The following ZBED6 variants were observed in gnomAD, a reference collection of about 807,000 sequenced individuals.
ZBED6 encodes the protein zinc finger BED domain-containing protein 6.
Under a neutral mutation model 58.4 loss-of-function variants are expected in ZBED6, and 40 were observed. That is an observed-to-expected ratio of 0.68 (90% confidence interval 0.53 to 0.89). The LOEUF (loss-of-function observed/expected upper bound fraction) is 0.89. Among genes scored for constraint, ZBED6 ranks in the 40% least tolerant of loss-of-function variants. The probability of loss-of-function intolerance (pLI) is 0.00; values close to 1 mark genes in which losing one functional copy is unlikely to be tolerated. For synonymous variants in ZBED6, 439 were observed against 350.6 expected, an observed-to-expected ratio of 1.25 and a Z score of -2.82; for missense variants, 1,057 against 1,003.9, an observed-to-expected ratio of 1.05 and a Z score of -0.71.
chr1:203,848,478 C>G lies in ZBED6; in HGVS notation c.*4322+71C>G, dbSNP rs865868933. ...CTAGATAATTGGTAGTTTTACCTTA[C>G]AATAAATTTCTAAGTACTTCATTCA... On this transcript the variant is annotated intron_variant, in intron 13 of 16. Transcript: ENST00000550078. 2.6e-6 allele frequency: 3 copies of G among 1,160,328 alleles called. No homozygotes were observed. In the African/African-American group the frequency reaches 4.7e-5, roughly 18 times the overall value. 71.9% of individuals were successfully genotyped at this position (1,160,328 alleles called of 1,614,324 possible). A position where few individuals can be genotyped will look rare whatever the true frequency, so the allele number is the denominator to read the frequency against.
At position 203,840,393 on chromosome 1, in the gene ZBED6, C is replaced by G. The variant is rs1487073844; in HGVS notation, c.*3741+19C>G. Reference sequence around the variant, plus strand: ...GCAACAGGTAAGTAAATCCTAAGACCAGATTCTGATTATTTTTTTCTTTGC... The same window carrying G: ...GCAACAGGTAAGTAAATCCTAAGACGAGATTCTGATTATTTTTTTCTTTGC... On this transcript the variant is annotated intron_variant, in intron 11 of 16. Coordinates refer to ENST00000550078, the Ensembl canonical transcript of ZBED6. 3 of 1,604,500 alleles carry G rather than the reference C, an allele frequency of 1.9e-6. No homozygotes were observed. Among genetic ancestry groups the G allele is most frequent in the African/African-American group, 2.7e-5 (2 of 74,320 alleles).
In ZBED6 at chr1:203,797,257, A is replaced by C. The variant is rs2102341384; in HGVS notation, c.-266A>C. On this transcript the variant is annotated 5_prime_UTR_variant, in exon 1 of 17. An upstream start codon of the reference 5' UTR is lost. Coordinates refer to ENST00000550078, the Ensembl canonical transcript of ZBED6. ...GGGACTCAGTTCTTACTTCTGTAAC[A>C]TGAGGACACTGGACTATTTGAATTC... The C allele has an allele frequency of 3.9e-6, 1 of 257,410 alleles. No individual in the cohort carries two copies. The highest frequency in any genetic ancestry group is 7.4e-6 in the Non-Finnish European group (1 of 135,832). 15.9% of individuals were successfully genotyped at this position (257,410 alleles called of 1,614,324 possible). A position where few individuals can be genotyped will look rare whatever the true frequency, so the allele number is the denominator to read the frequency against.
chr1:203,818,943 C>T (rs1475876056), intron 3 of ZBED6, among the ~76,000 whole-genome samples: 1 of 151,558 alleles, frequency 6.6e-6, no homozygotes, highest in Non-Finnish European at 1.5e-5. Flanking sequence ...GTGGCATGTG[C>T]CTGTAATTCC....
chr1:203,816,837 ACT>A (rs1393019604), intron 1 of ZBED6, 87 bp from the exon 2 acceptor site: 24 of 437,700 alleles, frequency 5.5e-5, no homozygotes, highest in African/African-American at 4.7e-4. Flanking sequence ...ATAAAATTTG[ACT>A]CTAGCAATAC....
chr1:203,829,507 T>C (rs200516895), exon 5 of ZBED6: 5 of 1,614,010 alleles, frequency 3.1e-6, no homozygotes, highest in Admixed American at 3.3e-5. Context: ...TAGCCAACTT[T>C]CAGTTCAGCA....
chr1:203,825,564 A>G (rs1240938008), intron 3 of ZBED6, among the ~76,000 whole-genome samples: 3 of 151,002 alleles, frequency 2.0e-5, no homozygotes, highest in African/African-American at 7.3e-5. Context: ...CCTCCCGCAT[A>G]GCTGGGACTA....
chr1:203,849,461 CATT>C, intron 13 of ZBED6, among the ~76,000 whole-genome samples: 1 of 152,208 alleles, frequency 6.6e-6, no homozygotes, highest in Non-Finnish European at 1.5e-5. Flanking sequence ...ATTTAGGAAT[CATT>C]AGTATTTGAC....
At chr1:203,820,135 T>C (rs1678022999) in intron 3 of ZBED6, among the ~76,000 whole-genome samples, 1 of 150,728 alleles carries the variant, frequency 6.6e-6, no homozygotes, top group African/African-American at 2.4e-5. Flanking sequence ...TTCAGGAGGC[T>C]GAAGCAGGAG....
At chr1:203,831,980 C>G (rs1682527045) in intron 8 of ZBED6, among the ~76,000 whole-genome samples, 2 of 152,150 alleles carry the variant, frequency 1.3e-5, no homozygotes, top group African/African-American at 4.8e-5. Context: ...ATATATTTTT[C>G]CATTTACTGT....
intron 1 of ZBED6, among the ~76,000 whole-genome samples, chr1:203,804,342 C>T (rs923338164): frequency 6.6e-5 from 10 of 151,882 alleles, no homozygotes; most frequent in Admixed American, 4.6e-4. Context: ...TTAGTAGAGA[C>T]GGGGTTTCAC....
At chr1:203,843,518 A>G (rs975927799) in intron 11 of ZBED6, among the ~76,000 whole-genome samples, 1 of 151,948 alleles carries the variant, frequency 6.6e-6, no homozygotes, top group African/African-American at 2.4e-5. Context: ...GGAATTGACA[A>G]TTTTTTTCCT....
At chr1:203,797,350 T>G (rs1018121237) in exon 1 of ZBED6, 2 of 578,900 alleles carry the variant, frequency 3.5e-6, no homozygotes, top group Non-Finnish European at 2.9e-6. Flanking sequence ...TCTCCATTGC[T>G]GTCAGTTTTC....
intron 3 of ZBED6, among the ~76,000 whole-genome samples, chr1:203,824,948 G>A (rs1572134647): frequency 6.6e-6 from 1 of 151,664 alleles, no homozygotes; most frequent in African/African-American, 2.4e-5. Context: ...ATGGTGACAC[G>A]TGCCTATAAT....
intron 1 of ZBED6, chr1:203,805,862 T>C: frequency 3.4e-6 from 3 of 878,992 alleles, no homozygotes; most frequent in South Asian, 1.3e-5. Flanking sequence ...TCTTCCATCA[T>C]GTCCACTAGC....
intron 3 of ZBED6, among the ~76,000 whole-genome samples, chr1:203,824,216 C>T (rs1406172311): frequency 1.3e-5 from 2 of 148,618 alleles, no homozygotes; most frequent in Non-Finnish European, 3.0e-5. Context: ...TGCAGTGAGC[C>T]GAGATTACAC....
rs59254922 is a variant in ZBED6, at chr1:203,815,216, C to CTTTTTTTTTTTTTTTTTTT, written c.*2555-1694_*2555-1693insTTTTTTTTTTTTTTTTTTT. 9.3e-5 allele frequency among the ~76,000 whole-genome samples: 9 copies of CTTTTTTTTTTTTTTTTTTT among 97,150 alleles called. 1 individual carries two copies. The highest frequency in any genetic ancestry group is 3.1e-4 in the Admixed American group (2 of 6,502). The allele number at this position is 97,150 out of a possible 152,430, so 63.7% of individuals were successfully genotyped here. A position where few individuals can be genotyped will look rare whatever the true frequency, so the allele number is the denominator to read the frequency against. On this transcript the variant is annotated intron_variant, in intron 1 of 16. Transcript: ENST00000550078. ...TTCATTATTTTCTTCCTTTTCTTTT[C>CTTTTTTTTTTTTTTTTTTT]TTTTTTTTTTTTTTTTGAGACAGTG...
In ZBED6 at chr1:203,798,222, A is replaced by T. The variant is rs1669290705; in HGVS notation, c.700A>T (p.Lys234Ter). ...TAATAGAATGGGCAAGAAGCATGAT[A>T]AATCAGCATCTGATGCCCTAAGGGC... Residue 234 changes from lysine (K) to a stop codon, truncating the protein, a stop_gained, in exon 1 of 17, where the codon AAA becomes TAA. Transcript: ENST00000550078. LOFTEE classifies it high-confidence loss of function. 1 of 1,536,046 alleles carries T rather than the reference A, an allele frequency of 6.5e-7. No individual in the cohort carries two copies. Among genetic ancestry groups the T allele is most frequent in the African/African-American group, 1.4e-5 (1 of 73,064 alleles).
intron 2 of ZBED6, among the ~76,000 whole-genome samples, chr1:203,817,515 A>C (rs1676751983): frequency 6.8e-6 from 1 of 147,278 alleles, no homozygotes; most frequent in Non-Finnish European, 1.5e-5. Context: ...AGAAACTGTC[A>C]TGGGTTGAAT....
chr1:203,849,191 G>A (rs1313599987), intron 13 of ZBED6, among the ~76,000 whole-genome samples: 3 of 152,074 alleles, frequency 2.0e-5, no homozygotes, highest in African/African-American at 4.8e-5. Context: ...GGCCTTCTTC[G>A]ACCTTTTTGT....
Sources: gnomAD v4.1 joint callset for allele counts (sites outside exome capture counted in the v4.1 genomes callset) on GRCh38, gnomAD v4.1.1 for gene constraint, MANE v1.5 for transcripts, NCBI Gene and HGNC (gene_info 2026-07-23, HGNC 2026-07-21) for gene names.